The following PCDH15 variants were observed in gnomAD, a reference collection of about 807,000 sequenced individuals.
PCDH15 encodes protocadherin related 15.
Under a neutral mutation model 178.5 loss-of-function variants are expected in PCDH15, and 129 were observed. That is an observed-to-expected ratio of 0.72 (90% CI 0.63 to 0.84). PCDH15 has a LOEUF of 0.84. PCDH15 is among the 40% of genes least tolerant of loss of function. PCDH15 has a pLI of 0.00. For missense variants in PCDH15, 2,230 were observed against 2,099.9 expected, an observed-to-expected ratio of 1.06 and a Z score of -1.21; for synonymous variants, 800 against 732.0, an observed-to-expected ratio of 1.09 and a Z score of -1.50.
intron 7 of PCDH15, among the ~76,000 whole-genome samples, chr10:54,320,642 A>G (rs1440756490): frequency 1.3e-5 from 2 of 152,146 alleles, no homozygotes; most frequent in Middle Eastern, 3.4e-3. Context: ...CTTTTATTTA[A>G]TTGGGTTATA....
chr10:54,827,526 C>G (rs1375744909), intron 3 of PCDH15, among the ~76,000 whole-genome samples: 2 of 152,052 alleles, frequency 1.3e-5, no homozygotes, highest in Non-Finnish European at 2.9e-5. Flanking sequence ...TTCATCAAGT[C>G]TGCAAGATAG....
chr10:55,236,867 C>G (rs558027285), intron 1 of PCDH15, among the ~76,000 whole-genome samples: 1 of 151,566 alleles, frequency 6.6e-6, no homozygotes, highest in Non-Finnish European at 1.5e-5. Flanking sequence ...AAATAAAATA[C>G]TAATATAATT....
At chr10:55,136,500 T>C (rs1838202199) in intron 2 of PCDH15, among the ~76,000 whole-genome samples, 1 of 151,988 alleles carries the variant, frequency 6.6e-6, no homozygotes, top group Non-Finnish European at 1.5e-5. Flanking sequence ...AAAAAGAGTA[T>C]TATAGAAGAT....
At position 53,840,414 on chromosome 10, in the gene PCDH15, C is replaced by T; in HGVS notation, c.3889G>A (p.Ala1297Thr). 1.2e-6 allele frequency: 2 copies of T among 1,614,018 alleles called. No individual in the cohort carries two copies. The highest frequency in any genetic ancestry group is 1.7e-6 in the Non-Finnish European group (2 of 1,179,898). The change falls in exon 29 of 38, where the codon GCC (alanine) becomes ACC (threonine). Residue 1297 changes from alanine to threonine, a missense_variant. Transcript: ENST00000644397. Reference protein sequence around the residue: ...ESIGARRHGDAFSLEDYTKCD... With the variant: ...ESIGARRHGDTFSLEDYTKCD... ...TTGGTGTAATCTTCTAGGGAAAAGG[C>T]ATCTCCATGCCGGCGAGCTCCAATG...
intron 1 of PCDH15, among the ~76,000 whole-genome samples, chr10:55,307,488 G>C (rs1843459939): frequency 6.6e-6 from 1 of 150,496 alleles, no homozygotes; most frequent in Non-Finnish European, 1.5e-5. Flanking sequence ...GGGCAACAGA[G>C]CAGAGCGAGA....
chr10:53,990,446 A>T (rs2091387580), intron 21 of PCDH15, among the ~76,000 whole-genome samples: 2 of 150,820 alleles, frequency 1.3e-5, no homozygotes, highest in South Asian at 4.2e-4. Context: ...TTCATAAATC[A>T]GTATTAAAGC....
At chr10:55,232,897 G>C (rs561378921) in intron 1 of PCDH15, among the ~76,000 whole-genome samples, 3 of 152,210 alleles carry the variant, frequency 2.0e-5, no homozygotes, top group South Asian at 2.1e-4. Context: ...CTGAGATCTT[G>C]ATTGTGGCCT....
At chr10:55,451,838 T>C (rs1027773797) in intron 2 of PCDH15, among the ~76,000 whole-genome samples, 1 of 152,212 alleles carries the variant, frequency 6.6e-6, no homozygotes, top group Non-Finnish European at 1.5e-5. Flanking sequence ...TGTTTAATGA[T>C]TATCTGATTG....
chr10:55,587,617 A>T (rs1033090865), intron 2 of PCDH15, among the ~76,000 whole-genome samples: 4 of 152,192 alleles, frequency 2.6e-5, no homozygotes, highest in African/African-American at 9.6e-5. Flanking sequence ...AAAAGAAAAA[A>T]CATTTGTGAA....
chr10:55,156,400 C>T (rs1385694352), intron 2 of PCDH15, among the ~76,000 whole-genome samples: 1 of 152,090 alleles, frequency 6.6e-6, no homozygotes, highest in East Asian at 1.9e-4. Context: ...CCAGTTTTCC[C>T]TAAGGCGGCC....
chr10:54,026,317 C>A (rs113347223), intron 18 of PCDH15, among the ~76,000 whole-genome samples: 2 of 151,976 alleles, frequency 1.3e-5, no homozygotes, highest in East Asian at 1.9e-4. Context: ...CCATCCTCCC[C>A]CTTTGGCTTC....
intron 2 of PCDH15, among the ~76,000 whole-genome samples, chr10:54,956,962 T>A (rs889625126): frequency 1.3e-5 from 2 of 151,650 alleles, no homozygotes; most frequent in Non-Finnish European, 3.0e-5. Context: ...TGTCCAAAGC[T>A]GAACCACTGT....
intron 2 of PCDH15, among the ~76,000 whole-genome samples, chr10:55,415,693 T>A (rs1208817671): frequency 6.6e-6 from 1 of 151,616 alleles, no homozygotes; most frequent in Admixed American, 6.6e-5. Context: ...GAGCTGGAAG[T>A]TGGCCATGAT....
At chr10:55,345,404 T>TC (rs1337368249) in intron 2 of PCDH15, among the ~76,000 whole-genome samples, 1 of 152,068 alleles carries the variant, frequency 6.6e-6, no homozygotes, top group African/African-American at 2.4e-5. Context: ...CCATCCATCA[T>TC]CATGTTGTAT....
At chr10:55,297,353 G>C (rs1843159360) in intron 1 of PCDH15, among the ~76,000 whole-genome samples, 1 of 151,956 alleles carries the variant, frequency 6.6e-6, no homozygotes. Flanking sequence ...ATCTATTTTA[G>C]TGAATTTACA....
At chr10:54,839,949 A>G (rs1188664022) in intron 3 of PCDH15, among the ~76,000 whole-genome samples, 1 of 152,088 alleles carries the variant, frequency 6.6e-6, no homozygotes, top group African/African-American at 2.4e-5. Flanking sequence ...AGATAAAAAC[A>G]TCCTCAGACC....
chr10:54,484,883 C>T (rs1409087726), intron 3 of PCDH15, among the ~76,000 whole-genome samples: 2 of 151,774 alleles, frequency 1.3e-5, no homozygotes, highest in Non-Finnish European at 2.9e-5. Flanking sequence ...AACATCCCAT[C>T]AAGCACTGCA....
chr10:54,168,449 C>G (rs1239658082), intron 13 of PCDH15, among the ~76,000 whole-genome samples: 1 of 151,832 alleles, frequency 6.6e-6, no homozygotes, highest in Admixed American at 6.6e-5. Context: ...CTCGCCAGGC[C>G]GAGCTAGGTC....
At chr10:54,427,950 G>C (rs796663295) in intron 3 of PCDH15, among the ~76,000 whole-genome samples, 4 of 152,244 alleles carry the variant, frequency 2.6e-5, no homozygotes, top group African/African-American at 9.6e-5. Flanking sequence ...GTAGACAATT[G>C]TTAAGAAAAC....
Sources: gnomAD v4.1 joint callset for allele counts (sites outside exome capture counted in the v4.1 genomes callset) on GRCh38, gnomAD v4.1.1 for gene constraint, MANE v1.5 for transcripts, NCBI Gene and HGNC (gene_info 2026-07-23, HGNC 2026-07-21) for gene names.